Variants in SCTR observed in about 807,000 individuals in gnomAD.
SCTR encodes the protein pancreatic secretin receptor.
Under a neutral mutation model 60.8 loss-of-function variants are expected in SCTR, and 56 were observed. The observed-to-expected ratio is 0.92, with a 90% confidence interval of 0.74 to 1.15. SCTR has a LOEUF of 1.15. SCTR is among the 50% of genes most tolerant of loss of function. The probability of loss-of-function intolerance (pLI) is 0.00; values close to 1 mark genes in which losing one functional copy is unlikely to be tolerated. For missense variants in SCTR, 562 were observed against 550.4 expected (o/e 1.02, Z -0.21); for synonymous variants, 202 against 217.0 (o/e 0.93, Z 0.61).
chr2:119,501,824 A>C (rs936457709), intron 1 of SCTR, among the ~76,000 whole-genome samples: 1 of 152,232 alleles, frequency 6.6e-6, no homozygotes, highest in Non-Finnish European at 1.5e-5. Flanking sequence ...GACTGTCTAC[A>C]TAGAAAATCC....
chr2:119,494,990 A>G (rs1409997017), intron 1 of SCTR, among the ~76,000 whole-genome samples: 1 of 152,052 alleles, frequency 6.6e-6, no homozygotes, highest in Non-Finnish European at 1.5e-5. Context: ...GCTGGAGTGC[A>G]GTGGTGTGAT....
intron 12 of SCTR, 114 bp from the exon 13 acceptor site, chr2:119,440,371 G>T: frequency 8.0e-7 from 1 of 1,244,748 alleles, no homozygotes; most frequent in Non-Finnish European, 1.1e-6. Context: ...CAGCTGCCCT[G>T]TCCCCTAGCC....
chr2:119,494,063 C>T (rs777200856), intron 2 of SCTR, among the ~76,000 whole-genome samples: 12 of 152,204 alleles, frequency 7.9e-5, no homozygotes, highest in Non-Finnish European at 1.0e-4. Context: ...GCTGCCTTTC[C>T]TACTACCTCA....
At chr2:119,447,383 A>G (rs1573791610) in intron 10 of SCTR, among the ~76,000 whole-genome samples, 1 of 152,318 alleles carries the variant, frequency 6.6e-6, no homozygotes, top group South Asian at 2.1e-4. Context: ...GGGGGTATAA[A>G]TATTGAAAAA....
chr2:119,462,583 G>A (rs77897653), intron 6 of SCTR, among the ~76,000 whole-genome samples: 3,666 of 152,284 alleles, frequency 0.024, 147 homozygotes, highest in African/African-American at 0.084. Context: ...CTTTTAACAG[G>A]CATGTCCCCT....
At chr2:119,475,605 T>TAC in intron 3 of SCTR, among the ~76,000 whole-genome samples, 1 of 126,046 alleles carries the variant, frequency 7.9e-6, no homozygotes, top group Non-Finnish European at 1.9e-5. Flanking sequence ...TGTTTGTGCA[T>TAC]ATATATATAT....
chr2:119,504,314 C>T (rs1351893357), intron 1 of SCTR, among the ~76,000 whole-genome samples: 3 of 152,100 alleles, frequency 2.0e-5, no homozygotes, highest in South Asian at 2.1e-4. Context: ...CATAGGAGCT[C>T]AGCTGCAGTG....
At chr2:119,506,182 C>T (rs191353612) in intron 1 of SCTR, among the ~76,000 whole-genome samples, 81 of 152,292 alleles carry the variant, frequency 5.3e-4, no homozygotes, top group African/African-American at 1.8e-3. Context: ...TGAAAACTCA[C>T]GTTCACAGAA....
Position 119,524,232 on chromosome 2 carries a change from C to A in SCTR, c.-6G>T. 6 of 1,454,294 alleles carry A rather than the reference C, an allele frequency of 4.1e-6. No homozygotes were observed. The highest frequency in any genetic ancestry group is 5.4e-6 in the Non-Finnish European group (6 of 1,101,384). The allele number at this position is 1,454,294 out of a possible 1,614,324, so 90.1% of individuals were successfully genotyped here. The stretch of plus-strand genomic sequence containing the variant: ...GGCGACAGGTGGGGACGCATGGTGC[C>A]CGCACGTTCCCCGAGGGCGCCCCGA... On this transcript the variant is annotated 5_prime_UTR_variant, in exon 1 of 13. Coordinates refer to ENST00000019103, the MANE Select transcript of SCTR (RefSeq NM_002980.3).
chr2:119,500,946 G>A (rs1031219966), intron 1 of SCTR, among the ~76,000 whole-genome samples: 1 of 151,950 alleles, frequency 6.6e-6, no homozygotes, highest in African/African-American at 2.4e-5. Context: ...ACACTGATTT[G>A]ATCTTTACAA....
At chr2:119,469,193 C>G (rs961715652) in intron 4 of SCTR, among the ~76,000 whole-genome samples, 8 of 152,084 alleles carry the variant, frequency 5.3e-5, no homozygotes, top group Admixed American at 3.9e-4. Context: ...AATTGAGGAC[C>G]AATATGTTAA....
intron 2 of SCTR, among the ~76,000 whole-genome samples, chr2:119,480,505 A>G (rs1677551270): frequency 6.6e-6 from 1 of 152,240 alleles, no homozygotes; most frequent in East Asian, 1.9e-4. Context: ...CTACAATTCA[A>G]GATGAGATTT....
intron 2 of SCTR, among the ~76,000 whole-genome samples, chr2:119,491,410 T>G (rs1678123307): frequency 6.6e-6 from 1 of 152,242 alleles, no homozygotes; most frequent in Admixed American, 6.5e-5. Flanking sequence ...AAAGCCCTCG[T>G]GGAGGCCCAG....
chr2:119,522,959 A>T (rs1426907478), intron 1 of SCTR, among the ~76,000 whole-genome samples: 2 of 152,210 alleles, frequency 1.3e-5, no homozygotes, highest in African/African-American at 2.4e-5. Flanking sequence ...TCCAAATTGC[A>T]CTCATCCCAA....
intron 1 of SCTR, among the ~76,000 whole-genome samples, chr2:119,501,938 G>A (rs544237834): frequency 2.6e-4 from 39 of 152,096 alleles, no homozygotes; most frequent in Non-Finnish European, 4.0e-4. Flanking sequence ...CTATATACTT[G>A]CAGTGAGCAC....
At chr2:119,476,186 G>A (rs1431209320) in intron 3 of SCTR, among the ~76,000 whole-genome samples, 4 of 152,178 alleles carry the variant, frequency 2.6e-5, no homozygotes, top group Admixed American at 1.3e-4. Context: ...CCTTCCTGCC[G>A]GGAGATGAAG....
At chr2:119,516,088 G>A (rs1679107275) in intron 1 of SCTR, among the ~76,000 whole-genome samples, 1 of 152,206 alleles carries the variant, frequency 6.6e-6, no homozygotes, top group African/African-American at 2.4e-5. Flanking sequence ...ATGATGTGGA[G>A]AAAAGGAGAC....
In SCTR at chr2:119,524,223, G is replaced by A. The variant is rs766169775; in HGVS notation, c.4C>T (p.Arg2Cys). The change falls in exon 1 of 13, where the codon CGT becomes TGT. Residue 2 changes from arginine (R) to cysteine (C), a missense_variant. Arg to Cys is a radical substitution (Grantham distance 180). Transcript: ENST00000019103. M[R>C]PHLSPPLQQL... ...TGCAGCGGCGGCGACAGGTGGGGACGCATGGTGCCCGCACGTTCCCCGAGG... is the reference window on the plus strand; with the variant it reads ...TGCAGCGGCGGCGACAGGTGGGGACACATGGTGCCCGCACGTTCCCCGAGG... 1.3e-4 allele frequency: 198 copies of A among 1,498,006 alleles called. No homozygotes were observed. The highest frequency in any genetic ancestry group is 1.6e-4 in the Non-Finnish European group (179 of 1,122,962). The allele number at this position is 1,498,006 out of a possible 1,614,324, so 92.8% of individuals were successfully genotyped here.
chr2:119,478,488 C>G (rs1490801228), intron 3 of SCTR, among the ~76,000 whole-genome samples: 1 of 152,086 alleles, frequency 6.6e-6, no homozygotes, highest in African/African-American at 2.4e-5. Context: ...GGAACAAGGC[C>G]CCTGGTTGCT....
Sources: allele counts gnomAD v4.1 joint callset (sites outside exome capture counted in the v4.1 genomes callset), GRCh38; gene constraint gnomAD v4.1.1; transcripts MANE v1.5; gene names NCBI Gene and HGNC (gene_info 2026-07-23, HGNC 2026-07-21).